DMBT1: variants seen among roughly 807,000 people sequenced by gnomAD.
DMBT1 encodes deleted in malignant brain tumors 1, also known as scavenger receptor cysteine-rich domain-containing protein DMBT1.
DMBT1 carries 198 observed loss-of-function variants against 252.9 expected under a neutral mutation model. The ratio of observed to expected loss-of-function variants is 0.78; its 90% CI spans 0.70 to 0.88. DMBT1 has a LOEUF of 0.88. Among genes scored for constraint, DMBT1 ranks in the 40% least tolerant of loss-of-function variants. The pLI is 0.00. For missense variants in DMBT1, 2,432 were observed against 2,404.7 expected, an observed-to-expected ratio of 1.01 and a Z score of -0.24; for synonymous variants, 990 against 942.7, an observed-to-expected ratio of 1.05 and a Z score of -0.92.
In DMBT1 at chr10:122,586,099, G is replaced by T; in HGVS notation, c.1499G>T (p.Gly500Val). 1 of 1,589,066 alleles carries T rather than the reference G, an allele frequency of 6.3e-7. No homozygotes were observed. The highest frequency in any genetic ancestry group is 8.6e-7 in the Non-Finnish European group (1 of 1,166,090). Residue 500 changes from glycine to valine, a missense_variant, in exon 16 of 56, where the codon GGT (glycine) becomes GTT (valine). By Grantham distance (109) the Gly-to-Val change is moderately radical. Coordinates refer to ENST00000338354, the MANE Select transcript of DMBT1 (RefSeq NM_001377530.1). ...SSLALRLVNG[G>V]DRCQGRVEVL... ...TTGGCCCTGAGGCTGGTGAATGGAG[G>T]TGACAGGTGTCAGGGCCGAGTGGAG... is the stretch of plus-strand genomic sequence containing the variant.
intron 26 of DMBT1, 43 bp from the exon 27 acceptor site, chr10:122,600,021 T>G (rs1456081271): frequency 6.2e-7 from 1 of 1,606,780 alleles, no homozygotes; most frequent in South Asian, 1.1e-5. Context: ...TGCCGACTTC[T>G]GTGTAATGTT....
intron 5 of DMBT1, among the ~76,000 whole-genome samples, chr10:122,572,675 C>CCTT (rs3216736): frequency 0.69 from 103,861 of 151,004 alleles, 35,999 homozygotes; most frequent in East Asian, 0.77. Flanking sequence ...ATCTACATAT[C>CCTT]CTGAAGTTGG....
intron 5 of DMBT1, among the ~76,000 whole-genome samples, chr10:122,572,960 T>C (rs3133493): frequency 0.69 from 104,553 of 152,084 alleles, 36,146 homozygotes; most frequent in East Asian, 0.77. Flanking sequence ...AGAGAACTTC[T>C]CCTGGACCTA....
At chr10:122,600,847 G>A in intron 27 of DMBT1, 144 bp from the exon 28 acceptor site, 2 of 1,024,492 alleles carry the variant, frequency 2.0e-6, no homozygotes, top group Non-Finnish European at 3.1e-6. Flanking sequence ...CAGCAGAGGA[G>A]ACCTGGGAAG....
chr10:122,585,172 G>T, intron 14 of DMBT1, 99 bp from the exon 15 acceptor site: 1 of 1,430,118 alleles, frequency 7.0e-7, no homozygotes. Context: ...ATCAGAAGTG[G>T]GGTAGTTTTC....
chr10:122,630,446 T>C lies in DMBT1; in HGVS notation c.5981T>C (p.Phe1994Ser), dbSNP rs1262348937. The C allele has an allele frequency of 1.2e-6, 2 of 1,613,992 alleles. No individual in the cohort carries two copies. The highest frequency in any genetic ancestry group is 1.7e-5 in the Admixed American group (1 of 60,026). Residue 1994 changes from phenylalanine to serine, a missense_variant, in exon 48 of 56, where the codon TTC becomes TCC. Around this residue, in one of 3 missense-constraint regions of DMBT1, gnomAD observed 1,162 missense variants for 1,169.0 expected, o/e 0.99. Transcript: ENST00000338354. The stretch of plus-strand genomic sequence containing the variant: ...ATTCACTTTCGAAGTGACATCAGTT[T>C]CCAAAACACTGGCTTTTTGGCTTGG... The part of the protein sequence containing the change: ...MTIHFRSDIS[F>S]QNTGFLAWYN...
intron 26 of DMBT1, 110 bp downstream of exon 26, chr10:122,599,207 A>G (rs2097915409): frequency 3.2e-6 from 5 of 1,557,418 alleles, no homozygotes; most frequent in South Asian, 2.5e-5. Context: ...TGTTTTCTAT[A>G]TTTCTGAAGA....
chr10:122,637,194 T>C lies in DMBT1; in HGVS notation c.6824T>C (p.Phe2275Ser), dbSNP rs563349883. The change falls in exon 54 of 56, where the codon TTT (phenylalanine) becomes TCT (serine). Residue 2275 changes from phenylalanine to serine, a missense_variant. Physicochemically the swap from Phe to Ser is radical, Grantham distance 155 (BLOSUM62 -2). This residue lies in a region of DMBT1 where 1,162 missense variants were observed against 1,169.0 expected (regional missense o/e 0.99). Transcript: ENST00000338354. ...VSRSYLQSLG[F>S]SASDLVISTW... ...AGGAGCTATCTCCAATCCTTGGGCT[T>C]TTCTGCCAGTGACCTTGTCATTTCC... The C allele has an allele frequency of 6.2e-7, 1 of 1,614,028 alleles. No individual in the cohort carries two copies. Among genetic ancestry groups the C allele is most frequent in the East Asian group, 2.2e-5 (1 of 44,868 alleles).
chr10:122,593,469 G>A, intron 20 of DMBT1, 100 bp from the exon 21 acceptor site: 3 of 1,306,692 alleles, frequency 2.3e-6, no homozygotes, highest in East Asian at 2.5e-5. Context: ...AACTAGGATG[G>A]ACTGAGTGTC....
chr10:122,636,629 A>G (rs1172730836), intron 53 of DMBT1, among the ~76,000 whole-genome samples: 2 of 152,162 alleles, frequency 1.3e-5, no homozygotes, highest in African/African-American at 4.8e-5. Flanking sequence ...TGGCTGAGAT[A>G]AGGTCACTCA....
chr10:122,625,255 T>C, intron 44 of DMBT1, 22 bp from the exon 45 acceptor site: 5 of 1,609,198 alleles, frequency 3.1e-6, no homozygotes, highest in Non-Finnish European at 4.2e-6. Flanking sequence ...GACTGACTCA[T>C]GTTTTCTTCT....
chr10:122,642,971 T>A lies in DMBT1; in HGVS notation c.7353-151T>A, dbSNP rs951059254. The A allele has an allele frequency of 9.5e-6, 10 of 1,053,270 alleles. No individual in the cohort carries two copies. In the African/African-American group the frequency reaches 1.6e-4, roughly 17 times the overall value. The allele number at this position is 1,053,270 out of a possible 1,614,324, so 65.2% of individuals were successfully genotyped here. On this transcript the variant is annotated intron_variant, in intron 55 of 55. Coordinates refer to ENST00000338354, the MANE Select transcript of DMBT1 (RefSeq NM_001377530.1). ...TTCTCTGCAGGCCCCTCAGTGAGTGTCTGATCCACACGTTCTGACAGAAGG... is the reference window on the plus strand; with the variant it reads ...TTCTCTGCAGGCCCCTCAGTGAGTGACTGATCCACACGTTCTGACAGAAGG...
chr10:122,629,004 T>C (rs2098138322), intron 46 of DMBT1, among the ~76,000 whole-genome samples: 1 of 152,200 alleles, frequency 6.6e-6, no homozygotes, highest in African/African-American at 2.4e-5. Flanking sequence ...ACGTTTTAAT[T>C]TCTATCACTG....
chr10:122,637,856 A>G (rs958798977), intron 54 of DMBT1, among the ~76,000 whole-genome samples: 1 of 152,192 alleles, frequency 6.6e-6, no homozygotes, highest in Admixed American at 6.5e-5. Context: ...TGCAGCTACC[A>G]TTTGTTGAGC....
chr10:122,571,780 C>A (rs1346321924), intron 4 of DMBT1, among the ~76,000 whole-genome samples: 2 of 152,204 alleles, frequency 1.3e-5, no homozygotes, highest in Non-Finnish European at 2.9e-5. Context: ...GGCTACCATG[C>A]CTGGGGTGTG....
chr10:122,574,950 A>G (rs1221230447), intron 6 of DMBT1, among the ~76,000 whole-genome samples: 1 of 152,192 alleles, frequency 6.6e-6, no homozygotes, highest in East Asian at 1.9e-4. Context: ...GAGCTCAGAC[A>G]GAAGCTGAGT....
chr10:122,588,828 C>G, intron 16 of DMBT1, 116 bp from the exon 17 acceptor site: 1 of 1,514,658 alleles, frequency 6.6e-7, no homozygotes, highest in Non-Finnish European at 9.0e-7. Flanking sequence ...CATCTTTAAT[C>G]GTGACTGCCT....
At chr10:122,636,291 G>A in intron 53 of DMBT1, 92 bp downstream of exon 53, 1 of 1,223,230 alleles carries the variant, frequency 8.2e-7, no homozygotes, top group South Asian at 1.4e-5. Flanking sequence ...AATAAGAAAT[G>A]AAGGAACCCT....
At chr10:122,635,869 A>G (rs2098222994) in intron 52 of DMBT1, 122 bp from the exon 53 acceptor site, 6 of 1,042,512 alleles carry the variant, frequency 5.8e-6, no homozygotes, top group Non-Finnish European at 7.1e-6. Flanking sequence ...GAGACCTATG[A>G]CTTTCATCGA....
Sources: gnomAD v4.1 joint callset for allele counts (sites outside exome capture counted in the v4.1 genomes callset) on GRCh38, gnomAD v4.1.1 for gene constraint, gnomAD v4.1.1 regional missense constraint, MANE v1.5 for transcripts, NCBI Gene and HGNC (gene_info 2026-07-23, HGNC 2026-07-21) for gene names.